KCNU1: variants seen among roughly 807,000 people sequenced by gnomAD.
The protein encoded by KCNU1 is potassium calcium-activated channel subfamily U member 1.
A neutral mutation model predicts 126.8 loss-of-function variants in KCNU1; 93 were observed. The ratio of observed to expected loss-of-function variants is 0.73; its 90% CI spans 0.62 to 0.87. The LOEUF (loss-of-function observed/expected upper bound fraction) is 0.87, where lower values mean the gene tolerates loss of function less well. KCNU1 is among the 40% of genes least tolerant of loss of function. The pLI is 0.00. For synonymous variants in KCNU1, 523 were observed against 494.2 expected (o/e 1.06, Z -0.77); for missense variants, 1,330 against 1,367.1 (o/e 0.97, Z 0.43).
At chr8:36,881,751 A>G (rs903490702) in intron 19 of KCNU1, among the ~76,000 whole-genome samples, 1 of 151,700 alleles carries the variant, frequency 6.6e-6, no homozygotes, top group African/African-American at 2.4e-5. Context: ...GTGGATAAAA[A>G]TATTTTTTCC....
At chr8:36,930,484 G>A (rs1808664939) in intron 24 of KCNU1, among the ~76,000 whole-genome samples, 1 of 152,032 alleles carries the variant, frequency 6.6e-6, no homozygotes, top group Non-Finnish European at 1.5e-5. Context: ...CAAACAAAAG[G>A]ATTATAAGTA....
chr8:36,829,215 T>C (rs1563280854), intron 10 of KCNU1, among the ~76,000 whole-genome samples: 1 of 152,130 alleles, frequency 6.6e-6, no homozygotes, highest in Non-Finnish European at 1.5e-5. Flanking sequence ...TTTCAGTTTA[T>C]AATTTGTCTT....
At chr8:36,884,689 T>C (rs776937150) in intron 19 of KCNU1, among the ~76,000 whole-genome samples, 1 of 151,932 alleles carries the variant, frequency 6.6e-6, no homozygotes, top group Non-Finnish European at 1.5e-5. Context: ...TGAGCCAAGA[T>C]TGAGCCACTG....
At position 36,922,563 on chromosome 8, in the gene KCNU1, T is replaced by G. The variant is rs1412116545; in HGVS notation, c.2670T>G (p.His890Gln). Residue 890 changes from histidine to glutamine, a missense_variant, in exon 24 of 27, where the codon CAT becomes CAG. By Grantham distance (24) the His-to-Gln change is conservative. This residue lies in a region of KCNU1 where 1,054 missense variants were observed against 1,053.9 expected (regional missense o/e 1.00). Coordinates refer to ENST00000399881, the MANE Select transcript of KCNU1 (RefSeq NM_001031836.3). ...LEGSLQETNLHLSTAFSTGTV... is the reference protein window; with the variant it reads ...LEGSLQETNLQLSTAFSTGTV... ...GGTCCCTCCAAGAAACAAATCTGCA[T>G]CTCAGCACTGCCTTTTCTACGGGCA... 6.2e-7 allele frequency: 1 copy of G among 1,613,578 alleles called. No homozygotes were observed. The highest frequency in any genetic ancestry group is 8.5e-7 in the Non-Finnish European group (1 of 1,179,746).
At chr8:36,868,880 T>C in intron 19 of KCNU1, among the ~76,000 whole-genome samples, 1 of 152,118 alleles carries the variant, frequency 6.6e-6, no homozygotes, top group Non-Finnish European at 1.5e-5. Context: ...GTTAGACCTG[T>C]GCAGTGTTTT....
At chr8:36,796,325 C>A (rs1803097655) in intron 2 of KCNU1, among the ~76,000 whole-genome samples, 1 of 152,064 alleles carries the variant, frequency 6.6e-6, no homozygotes, top group South Asian at 2.1e-4. Flanking sequence ...AGTACATGAT[C>A]AATTTTTACT....
intron 16 of KCNU1, 85 bp downstream of exon 16, chr8:36,841,088 C>T: frequency 1.1e-6 from 1 of 909,008 alleles, no homozygotes; most frequent in Non-Finnish European, 1.7e-6. Flanking sequence ...AGAATTTTTC[C>T]AAAGATGCAG....
intron 2 of KCNU1, 95 bp from the exon 3 acceptor site, chr8:36,803,932 A>G (rs1803402729): frequency 2.5e-6 from 2 of 791,300 alleles, no homozygotes; most frequent in Non-Finnish European, 4.4e-6. Flanking sequence ...GGCTACACGT[A>G]CACAGGCATG....
chr8:36,802,422 G>A (rs1286708368), intron 2 of KCNU1, among the ~76,000 whole-genome samples: 5 of 152,156 alleles, frequency 3.3e-5, no homozygotes, highest in African/African-American at 1.2e-4. Context: ...GTGGCTCATT[G>A]TTGGCTAGCT....
At chr8:36,907,324 GC>G (rs1563328677) in intron 20 of KCNU1, among the ~76,000 whole-genome samples, 1 of 152,126 alleles carries the variant, frequency 6.6e-6, no homozygotes, top group African/African-American at 2.4e-5. Context: ...ACAGTTTAGT[GC>G]CACAGTTTCT....
chr8:36,856,334 C>T (rs186745801), intron 18 of KCNU1, among the ~76,000 whole-genome samples: 261 of 152,240 alleles, frequency 1.7e-3, no homozygotes, highest in Admixed American at 3.1e-3. Flanking sequence ...TGTTAATTTT[C>T]ATGTCTCATG....
chr8:36,825,778 T>C (rs1804295516), intron 10 of KCNU1, among the ~76,000 whole-genome samples: 1 of 149,894 alleles, frequency 6.7e-6, no homozygotes, highest in African/African-American at 2.4e-5. Flanking sequence ...AAAGATGTCT[T>C]TTTTTTTTTC....
Position 36,804,012 on chromosome 8 carries a change from GT to G in KCNU1, c.316-10del. On this transcript the variant is annotated splice_polypyrimidine_tract_variant and intron_variant, in intron 2 of 26. Transcript: ENST00000399881. ...GAAGTGGATTTAGACATTTGTCCCTGTTTTTCATTTTCAGGTGATCCTTGTC... is the reference window on the plus strand; with the variant it reads ...GAAGTGGATTTAGACATTTGTCCCTGTTTTCATTTTCAGGTGATCCTTGTC... The G allele has an allele frequency of 6.5e-7, 1 of 1,531,590 alleles. No homozygotes were observed. Among genetic ancestry groups the G allele is most frequent in the Non-Finnish European group, 8.9e-7 (1 of 1,126,336 alleles). The allele number at this position is 1,531,590 out of a possible 1,614,324, so 94.9% of individuals were successfully genotyped here. A position where few individuals can be genotyped will look rare whatever the true frequency, so the allele number is the denominator to read the frequency against.
At chr8:36,856,317 G>A (rs920435111) in intron 18 of KCNU1, among the ~76,000 whole-genome samples, 10 of 152,008 alleles carry the variant, frequency 6.6e-5, no homozygotes, top group African/African-American at 1.9e-4. Flanking sequence ...TATAGCTCAT[G>A]CTTTCCTGTT....
intron 2 of KCNU1, among the ~76,000 whole-genome samples, chr8:36,803,559 CAT>C (rs764053672): frequency 2.6e-4 from 40 of 152,136 alleles, no homozygotes; most frequent in South Asian, 6.2e-4. Flanking sequence ...TTAGGGAACA[CAT>C]GTCTGGAATT....
intron 16 of KCNU1, 32 bp downstream of exon 16, chr8:36,841,035 T>TG: frequency 3.5e-6 from 1 of 286,824 alleles, no homozygotes; most frequent in Non-Finnish European, 5.3e-6. Context: ...TCTTCAGTTG[T>TG]TTTTTTTTTT....
intron 20 of KCNU1, among the ~76,000 whole-genome samples, chr8:36,906,656 T>A (rs1807643427): frequency 6.6e-6 from 1 of 152,188 alleles, no homozygotes; most frequent in Non-Finnish European, 1.5e-5. Flanking sequence ...CCAAAAGTAG[T>A]TTAGTTCACT....
chr8:36,919,835 C>A (rs923279671), intron 23 of KCNU1, among the ~76,000 whole-genome samples: 1 of 152,202 alleles, frequency 6.6e-6, no homozygotes, highest in Non-Finnish European at 1.5e-5. Flanking sequence ...ATTAGGTGAA[C>A]ATCTAGAAAT....
At chr8:36,797,751 A>C (rs1330296392) in intron 2 of KCNU1, among the ~76,000 whole-genome samples, 1 of 152,166 alleles carries the variant, frequency 6.6e-6, no homozygotes, top group Non-Finnish European at 1.5e-5. Flanking sequence ...CAAGTAAACA[A>C]CAATGTGGTT....
Sources: allele counts gnomAD v4.1 joint callset (sites outside exome capture counted in the v4.1 genomes callset), GRCh38; gene constraint gnomAD v4.1.1; regional missense constraint gnomAD v4.1.1; transcripts MANE v1.5; gene names NCBI Gene and HGNC (gene_info 2026-07-23, HGNC 2026-07-21).